Variants in SCAI observed in about 807,000 individuals in gnomAD.
The protein encoded by SCAI is protein SCAI.
SCAI carries 24 observed loss-of-function variants against 92.2 expected under a neutral mutation model. The ratio of observed to expected loss-of-function variants is 0.26; its 90% confidence interval spans 0.19 to 0.37. SCAI has a LOEUF of 0.37. Among genes scored for constraint, SCAI ranks in the 10% least tolerant of loss-of-function variants. The probability of loss-of-function intolerance (pLI) is 1.00; values close to 1 mark genes in which losing one functional copy is unlikely to be tolerated. For missense variants in SCAI, 450 were observed against 736.2 expected (o/e 0.61, Z 4.50); for synonymous variants, 261 against 258.6 (o/e 1.01, Z -0.09).
chr9:124,960,335 C>T (rs934101180), intron 17 of SCAI, among the ~76,000 whole-genome samples: 5 of 152,212 alleles, frequency 3.3e-5, no homozygotes, highest in Middle Eastern at 3.4e-3. Context: ...GCTCAAGCGA[C>T]GCCCCAGCTT....
chr9:125,078,338 C>T (rs940893898), intron 2 of SCAI, among the ~76,000 whole-genome samples: 4 of 151,400 alleles, frequency 2.6e-5, no homozygotes, highest in African/African-American at 9.7e-5. Context: ...ACCAGCCTGG[C>T]AAATGTGATG....
chr9:125,006,827 TA>T (rs1011483371), intron 9 of SCAI, among the ~76,000 whole-genome samples: 2 of 152,036 alleles, frequency 1.3e-5, no homozygotes, highest in Non-Finnish European at 2.9e-5. Flanking sequence ...AAATGAAATG[TA>T]AAAACTGAGG....
chr9:125,057,106 G>A (rs867661339), intron 2 of SCAI, among the ~76,000 whole-genome samples: 3 of 152,198 alleles, frequency 2.0e-5, no homozygotes, highest in Non-Finnish European at 4.4e-5. Context: ...AGGAAAATTT[G>A]GTCCTGGTGT....
chr9:125,061,101 T>C (rs2131144920), intron 2 of SCAI, among the ~76,000 whole-genome samples: 1 of 151,804 alleles, frequency 6.6e-6, no homozygotes, highest in Non-Finnish European at 1.5e-5. Flanking sequence ...ATCGAGACCA[T>C]CGTGGCTAAC....
intron 13 of SCAI, among the ~76,000 whole-genome samples, chr9:124,999,407 G>C (rs1832313438): frequency 6.6e-6 from 1 of 151,528 alleles, no homozygotes; most frequent in Non-Finnish European, 1.5e-5. Flanking sequence ...AAAAATGTTT[G>C]GGCTGAACAC....
chr9:124,979,806 C>G (rs1050793854), intron 14 of SCAI, among the ~76,000 whole-genome samples: 1 of 152,084 alleles, frequency 6.6e-6, no homozygotes, highest in Admixed American at 6.5e-5. Context: ...TCCCAGCACT[C>G]TGGGAGGCCC....
chr9:125,054,069 G>C (rs1833616508), intron 3 of SCAI, among the ~76,000 whole-genome samples: 1 of 152,054 alleles, frequency 6.6e-6, no homozygotes, highest in Admixed American at 6.6e-5. Flanking sequence ...CGATCTCCTG[G>C]GCTTGAGCAA....
chr9:125,042,486 C>T (rs2131111008), intron 3 of SCAI, among the ~76,000 whole-genome samples: 1 of 152,036 alleles, frequency 6.6e-6, no homozygotes, highest in Non-Finnish European at 1.5e-5. Flanking sequence ...CTTTATCAGT[C>T]CTCTCTATGG....
At chr9:125,045,104 G>A (rs1833407585) in intron 3 of SCAI, among the ~76,000 whole-genome samples, 1 of 152,206 alleles carries the variant, frequency 6.6e-6, no homozygotes, top group Non-Finnish European at 1.5e-5. Flanking sequence ...CTGAGTAGCG[G>A]GAACAAGCCC....
intron 2 of SCAI, among the ~76,000 whole-genome samples, chr9:125,081,940 A>G (rs1834227688): frequency 4.6e-5 from 7 of 152,216 alleles, no homozygotes; most frequent in Admixed American, 4.6e-4. Context: ...AATGTGACAG[A>G]GAGGAGAAAC....
intron 2 of SCAI, among the ~76,000 whole-genome samples, chr9:125,093,679 C>T (rs1279233945): frequency 6.6e-6 from 1 of 151,586 alleles, no homozygotes; most frequent in Non-Finnish European, 1.5e-5. Context: ...AATTCTCCTG[C>T]CTCAGCCTCC....
chr9:125,068,390 C>T (rs367849185), intron 2 of SCAI, among the ~76,000 whole-genome samples: 1 of 152,014 alleles, frequency 6.6e-6, no homozygotes, highest in African/African-American at 2.4e-5. Flanking sequence ...GTTCCAGCTA[C>T]TCGGGAAGCT....
At chr9:124,970,104 T>G (rs1158168905) in intron 17 of SCAI, among the ~76,000 whole-genome samples, 1 of 152,002 alleles carries the variant, frequency 6.6e-6, no homozygotes, top group East Asian at 1.9e-4. Context: ...TGCCTGCCTC[T>G]GCCTCCCAAA....
At chr9:124,962,172 C>CTTT (rs1831450598) in intron 17 of SCAI, among the ~76,000 whole-genome samples, 1 of 93,668 alleles carries the variant, frequency 1.1e-5, no homozygotes, top group Admixed American at 1.4e-4. Context: ...TTTTTTTTTG[C>CTTT]GGGGGGGGAT....
intron 2 of SCAI, among the ~76,000 whole-genome samples, chr9:125,126,590 G>GTGTGTGAA (rs1554794304): frequency 9.2e-4 from 51 of 55,580 alleles, no homozygotes; most frequent in African/African-American, 2.8e-3. Context: ...GTGTGTGTGT[G>GTGTGTGAA]AGAGAGAGAG....
chr9:125,095,636 T>C (rs1417751349), intron 2 of SCAI, among the ~76,000 whole-genome samples: 1 of 152,174 alleles, frequency 6.6e-6, no homozygotes, highest in Non-Finnish European at 1.5e-5. Flanking sequence ...GCCAGTGGGA[T>C]TTGAGGTGAA....
chr9:125,133,730 C>A (rs537426417), intron 2 of SCAI, among the ~76,000 whole-genome samples: 1 of 151,610 alleles, frequency 6.6e-6, no homozygotes, highest in South Asian at 2.1e-4. Flanking sequence ...CCTCTACAGA[C>A]CTGTTCAAAA....
chr9:125,056,499 TCTC>T (rs1257466086), intron 2 of SCAI, among the ~76,000 whole-genome samples: 2 of 151,968 alleles, frequency 1.3e-5, no homozygotes, highest in Non-Finnish European at 2.9e-5. Context: ...AAATAGATCA[TCTC>T]CTATCATTGG....
chr9:125,007,652 A>C (rs1031469758), intron 9 of SCAI, among the ~76,000 whole-genome samples: 1 of 151,684 alleles, frequency 6.6e-6, no homozygotes, highest in African/African-American at 2.4e-5. Flanking sequence ...ACTGTCTCTA[A>C]AAAGAAAAAA....
Sources: allele counts gnomAD v4.1 joint callset (sites outside exome capture counted in the v4.1 genomes callset), GRCh38; gene constraint gnomAD v4.1.1; transcripts MANE v1.5; gene names NCBI Gene and HGNC (gene_info 2026-07-23, HGNC 2026-07-21).